KDM4C: variants seen among roughly 807,000 people sequenced by gnomAD.
KDM4C encodes the protein lysine-specific demethylase 4C.
KDM4C carries 81 observed loss-of-function variants against 129.3 expected under a neutral mutation model. The ratio of observed to expected loss-of-function variants is 0.63; its 90% CI spans 0.52 to 0.75. KDM4C has a LOEUF of 0.75. Among genes scored for constraint, KDM4C ranks in the 30% least tolerant of loss-of-function variants. The pLI, the probability that KDM4C is intolerant of heterozygous loss-of-function variation, is 0.00. For synonymous variants in KDM4C, 573 were observed against 456.1 expected (o/e 1.26, Z -3.26); for missense variants, 1,457 against 1,304.0 (o/e 1.12, Z -1.81).
At chr9:6,923,978 G>T (rs771829114) in intron 8 of KDM4C, among the ~76,000 whole-genome samples, 25 of 152,290 alleles carry the variant, frequency 1.6e-4, no homozygotes, top group Non-Finnish European at 2.9e-4. Context: ...TCCCTCCTCA[G>T]ATATTTAGAA....
intron 8 of KDM4C, among the ~76,000 whole-genome samples, chr9:6,969,320 T>G (rs73397828): frequency 0.069 from 10,501 of 152,290 alleles, 862 homozygotes; most frequent in African/African-American, 0.19. Context: ...CTTTTCATAT[T>G]AAGGCCTTTT....
intron 8 of KDM4C, among the ~76,000 whole-genome samples, chr9:6,941,056 A>G (rs953081712): frequency 6.6e-6 from 1 of 150,712 alleles, no homozygotes; most frequent in Non-Finnish European, 1.5e-5. Context: ...TTTTGGAGAA[A>G]GTCTTGCCGT....
chr9:7,129,390 T>A (rs540343544), intron 19 of KDM4C, among the ~76,000 whole-genome samples: 8 of 152,308 alleles, frequency 5.3e-5, no homozygotes, highest in African/African-American at 1.7e-4. Flanking sequence ...AGCAAATGAA[T>A]GTAAGTTATT....
At chr9:6,767,202 G>A (rs370423868) in intron 1 of KDM4C, among the ~76,000 whole-genome samples, 2 of 151,706 alleles carry the variant, frequency 1.3e-5, no homozygotes, top group African/African-American at 2.4e-5. Context: ...GCAGTGGCAC[G>A]ATCTCGGCTC....
At chr9:7,006,427 C>G (rs775068713) in intron 12 of KDM4C, among the ~76,000 whole-genome samples, 1 of 152,090 alleles carries the variant, frequency 6.6e-6, no homozygotes, top group East Asian at 1.9e-4. Flanking sequence ...AATGACAAGA[C>G]AGAAATCTAG....
chr9:6,724,292 C>A (rs149643366), intron 1 of KDM4C, among the ~76,000 whole-genome samples: 172 of 152,264 alleles, frequency 1.1e-3, no homozygotes, highest in African/African-American at 3.9e-3. Flanking sequence ...TTGCCTGACA[C>A]CGCTGCCTGG....
chr9:6,768,603 C>T (rs1029489429), intron 1 of KDM4C, among the ~76,000 whole-genome samples: 1 of 151,986 alleles, frequency 6.6e-6, no homozygotes, highest in African/African-American at 2.4e-5. Flanking sequence ...AATTAATGTT[C>T]TTCATAGCAA....
intron 18 of KDM4C, among the ~76,000 whole-genome samples, chr9:7,124,114 A>G (rs1839788076): frequency 6.6e-6 from 1 of 152,182 alleles, no homozygotes; most frequent in African/African-American, 2.4e-5. Context: ...TCTTCCACAG[A>G]TGACCAAACT....
chr9:6,953,142 G>A (rs755641579), intron 8 of KDM4C, among the ~76,000 whole-genome samples: 15 of 152,160 alleles, frequency 9.9e-5, no homozygotes, highest in Non-Finnish European at 1.9e-4. Context: ...GTAGGCAGTA[G>A]ATCTTTTTTG....
intron 8 of KDM4C, among the ~76,000 whole-genome samples, chr9:6,904,388 A>C (rs1166753962): frequency 1.3e-5 from 2 of 150,780 alleles, no homozygotes; most frequent in Non-Finnish European, 3.0e-5. Context: ...AAAGAATGTG[A>C]CAGGTGGTTT....
At chr9:7,062,375 T>G (rs1564065543) in intron 17 of KDM4C, among the ~76,000 whole-genome samples, 2 of 151,840 alleles carry the variant, frequency 1.3e-5, no homozygotes, top group African/African-American at 2.4e-5. Flanking sequence ...ACTTTGTGTT[T>G]TCTTTCCTTT....
rs199581192 is a variant in KDM4C at position 6,948,627 on chromosome 9, T to C, written c.922-32298T>C. 2.7e-3 allele frequency among the ~76,000 whole-genome samples: 404 copies of C among 151,330 alleles called. 4 individuals are homozygous for C. In the East Asian group the frequency reaches 0.035, roughly 13 times the overall value. On this transcript the variant is annotated intron_variant, in intron 8 of 21. Transcript: ENST00000381309. The stretch of plus-strand genomic sequence containing the variant: ...TCTGGTTTTCCTATGCAGAGGACCC[T>C]GCGGCCTTCCGCAGTGTTTGTGTCC...
chr9:7,117,663 A>ACACG (rs1554750105), intron 18 of KDM4C, among the ~76,000 whole-genome samples: 1 of 136,058 alleles, frequency 7.3e-6, no homozygotes, highest in African/African-American at 2.8e-5. Context: ...ACACACACAC[A>ACACG]CACACTGCTG....
At chr9:7,089,515 C>T (rs1564102762) in intron 17 of KDM4C, among the ~76,000 whole-genome samples, 2 of 152,140 alleles carry the variant, frequency 1.3e-5, no homozygotes, top group African/African-American at 4.8e-5. Flanking sequence ...TTTAATGAGT[C>T]TTTGGGGGAA....
intron 8 of KDM4C, among the ~76,000 whole-genome samples, chr9:6,957,083 G>C (rs187139573): frequency 1.3e-4 from 20 of 152,238 alleles, no homozygotes; most frequent in Admixed American, 1.2e-3. Flanking sequence ...ATTAATATGA[G>C]CCATTATCTT....
At chr9:7,156,625 C>T (rs1182428456) in intron 19 of KDM4C, among the ~76,000 whole-genome samples, 1 of 152,160 alleles carries the variant, frequency 6.6e-6, no homozygotes, top group East Asian at 1.9e-4. Context: ...TTCCCCATTT[C>T]TTGTTTTTGT....
intron 5 of KDM4C, among the ~76,000 whole-genome samples, chr9:6,859,039 C>T (rs1025215576): frequency 6.6e-6 from 1 of 152,120 alleles, no homozygotes; most frequent in African/African-American, 2.4e-5. Flanking sequence ...TCCGTTGTTA[C>T]TGCACATGTG....
intron 4 of KDM4C, among the ~76,000 whole-genome samples, chr9:6,817,261 G>A (rs559950524): frequency 7.3e-6 from 1 of 136,456 alleles, no homozygotes; most frequent in Non-Finnish European, 1.5e-5. Flanking sequence ...GCATGCAATG[G>A]CATGATCACG....
chr9:7,127,987 A>G (rs1840199756), intron 18 of KDM4C, 79 bp from the exon 19 acceptor site: 3 of 1,192,228 alleles, frequency 2.5e-6, no homozygotes, highest in Non-Finnish European at 3.3e-6. Context: ...TGTTTTTCAA[A>G]TGAATATTTT....
Sources: gnomAD v4.1 joint callset for allele counts (sites outside exome capture counted in the v4.1 genomes callset) on GRCh38, gnomAD v4.1.1 for gene constraint, MANE v1.5 for transcripts, NCBI Gene and HGNC (gene_info 2026-07-23, HGNC 2026-07-21) for gene names.